Variants in CIDEB observed in about 807,000 individuals in gnomAD.
The protein encoded by CIDEB is lipid transferase CIDEB.
A neutral mutation model predicts 22.4 loss-of-function variants in CIDEB; 27 were observed. The observed-to-expected ratio is 1.21, with a 90% CI of 0.89 to 1.66. The LOEUF (loss-of-function observed/expected upper bound fraction) is 1.66, where lower values mean the gene tolerates loss of function less well. Ranked by LOEUF, CIDEB falls within the 40% of genes most tolerant of loss-of-function variation. The probability of loss-of-function intolerance (pLI) is 0.00; values close to 1 mark genes in which losing one functional copy is unlikely to be tolerated. For synonymous variants in CIDEB, 103 were observed against 109.5 expected (o/e 0.94, Z 0.37); for missense variants, 289 against 268.7 (o/e 1.08, Z -0.53).
At position 24,306,397 on chromosome 14, in the gene CIDEB, C is replaced by G. The variant is rs773821735; in HGVS notation, c.313G>C (p.Gly105Arg). The stretch of plus-strand genomic sequence containing the variant: ...ACCCTTGTAGGGCTCCAGCTCTGAC[C>G]AGACTGCAACACCATCAGGCACGTG... ...DDTCLMVLQS[G>R]QSWSPTRSGV... is the part of the protein sequence containing the mutation. The change falls in exon 3 of 5, where the codon GGT becomes CGT. Residue 105 changes from glycine to arginine, a missense_variant. Coordinates refer to ENST00000554411, the MANE Select transcript of CIDEB (RefSeq NM_001393339.1). 6.2e-7 allele frequency: 1 copy of G among 1,614,222 alleles called. No homozygotes were observed. The highest frequency in any genetic ancestry group is 1.7e-5 in the Admixed American group (1 of 60,030).
upstream of CIDEB, chr14:24,311,006 G>C: frequency 6.3e-7 from 1 of 1,587,034 alleles, no homozygotes; most frequent in Non-Finnish European, 8.5e-7. Context: ...TCACCGGCCT[G>C]CTCAGCCTGC....
At chr14:24,310,584 C>A, upstream of CIDEB, 11 of 1,420,176 alleles carry the variant, frequency 7.7e-6, no homozygotes, top group Non-Finnish European at 1.1e-5. Flanking sequence ...GGCACCTTCT[C>A]ATCGGGCATC....
chr14:24,307,610 G>A, intron 1 of CIDEB, 95 bp from the exon 2 acceptor site: 6 of 1,446,676 alleles, frequency 4.1e-6, no homozygotes, highest in Non-Finnish European at 5.7e-6. Context: ...GGCTAGGGAG[G>A]GAGAGATCTA....
At chr14:24,308,048 G>T, upstream of CIDEB, 1 of 625,346 alleles carries the variant, frequency 1.6e-6, no homozygotes, top group Non-Finnish European at 2.9e-6. Context: ...AGGGATGAGG[G>T]AGGGGCCAGA....
rs758539152 is a variant in CIDEB at position 24,306,439 on chromosome 14, G to C, written c.271C>G (p.Gln91Glu). Reference sequence around the variant, plus strand: ...AGGCACGTGTCATCCTCCAGCAGCTGGAAGAAGTCCTCACTGTCCACTGCA... The same window carrying C: ...AGGCACGTGTCATCCTCCAGCAGCTCGAAGAAGTCCTCACTGTCCACTGCA... Reference protein sequence around the residue: ...GTAVDSEDFFQLLEDDTCLMV... With the variant: ...GTAVDSEDFFELLEDDTCLMV... Residue 91 changes from glutamine to glutamate, a missense_variant, in exon 3 of 5, where the codon CAG becomes GAG. Physicochemically the swap from Gln to Glu is conservative, Grantham distance 29. Transcript: ENST00000554411. The C allele has an allele frequency of 6.2e-7, 1 of 1,614,230 alleles. No individual in the cohort carries two copies. Among genetic ancestry groups the C allele is most frequent in the Non-Finnish European group, 8.5e-7 (1 of 1,180,044 alleles).
Position 24,305,311 on chromosome 14 carries a change from C to G in CIDEB, c.*322G>C. On this transcript the variant is annotated 3_prime_UTR_variant, in exon 5 of 5. Coordinates refer to ENST00000554411, the MANE Select transcript of CIDEB (RefSeq NM_001393339.1). The stretch of plus-strand genomic sequence containing the variant: ...ATCAGTATGCTGGGGAGTTTAGGGA[C>G]AGGAGGCATTGGTAGGGGATTAGAT... The G allele has an allele frequency of 3.5e-6, 2 of 571,822 alleles. No individual in the cohort carries two copies. The highest frequency in any genetic ancestry group is 6.2e-5 in the East Asian group (2 of 32,094). The allele number at this position is 571,822 out of a possible 1,614,324, so 35.4% of individuals were successfully genotyped here.
chr14:24,307,421 T>A lies in CIDEB; in HGVS notation c.136A>T (p.Thr46Ser). The A allele has an allele frequency of 6.2e-7, 1 of 1,614,046 alleles. No individual in the cohort carries two copies. The highest frequency in any genetic ancestry group is 8.5e-7 in the Non-Finnish European group (1 of 1,179,962). The change falls in exon 2 of 5, where the codon ACC becomes TCC. Residue 46 changes from threonine (T) to serine (S), a missense_variant. By Grantham distance (58) the Thr-to-Ser change is moderately conservative. Transcript: ENST00000554411. ...RPFRVCDHKR[T>S]IRKGLTAATR... ...GCAGCTGTCAGGCCTTTCCGGATGG[T>A]CCGCTTGTGATCACAGACACGGAAA... is the stretch of plus-strand genomic sequence containing the variant.
In CIDEB at chr14:24,305,780, C is replaced by A; in HGVS notation, c.528-15G>T. 2 of 1,611,104 alleles carry A rather than the reference C, an allele frequency of 1.2e-6. No homozygotes were observed. The highest frequency in any genetic ancestry group is 1.7e-6 in the Non-Finnish European group (2 of 1,178,760). On this transcript the variant is annotated splice_polypyrimidine_tract_variant and intron_variant, in intron 4 of 4. Transcript: ENST00000554411. Reference sequence around the variant, plus strand: ...GAAGGAGCTCCCTGAATGGCAGAGACAAGAGGAAATCAGATGATTTGGAAA... The same window carrying A: ...GAAGGAGCTCCCTGAATGGCAGAGAAAAGAGGAAATCAGATGATTTGGAAA...
At chr14:24,307,318 T>G in intron 2 of CIDEB, 53 bp downstream of exon 2, 1 of 1,565,324 alleles carries the variant, frequency 6.4e-7, no homozygotes, top group Non-Finnish European at 8.7e-7. Context: ...GCCACTGTTG[T>G]GGAGCCCCTT....
intron 4 of CIDEB, 24 bp from the exon 5 acceptor site, chr14:24,305,789 A>T (rs746422898): frequency 1.8e-5 from 29 of 1,609,044 alleles, no homozygotes; most frequent in Admixed American, 6.8e-5. Flanking sequence ...ACAAGAGGAA[A>T]TCAGATGATT....
upstream of CIDEB, chr14:24,311,372 C>G (rs1433786510): frequency 5.6e-6 from 9 of 1,603,726 alleles, no homozygotes; most frequent in Non-Finnish European, 7.6e-6. Context: ...TCGGCTTGCT[C>G]TGGGCCCCCT....
intron 2 of CIDEB, chr14:24,306,738 A>G: frequency 1.7e-6 from 1 of 580,628 alleles, no homozygotes; most frequent in Admixed American, 3.0e-5. Context: ...TGCTCCTACC[A>G]TGTCATTGGC....
rs776862919 is a variant in CIDEB at position 24,305,721 on chromosome 14, T to C, written c.572A>G (p.His191Arg). 3 of 1,614,078 alleles carry C rather than the reference T, an allele frequency of 1.9e-6. No individual in the cohort carries two copies. The highest frequency in any genetic ancestry group is 2.5e-6 in the Non-Finnish European group (3 of 1,180,046). The change falls in exon 5 of 5, where the codon CAT (histidine) becomes CGT (arginine). Residue 191 changes from histidine (H) to arginine (R), a missense_variant. By Grantham distance (29) the His-to-Arg change is conservative. Coordinates refer to ENST00000554411, the MANE Select transcript of CIDEB (RefSeq NM_001393339.1). ...WTSTLLQGLG[H>R]MLLGISSTLR... ...GGTGGAGGAAATTCCCAGCAACATATGGCCCAGGCCTTGCAGCAGTGTGGA... is the reference window on the plus strand; with the variant it reads ...GGTGGAGGAAATTCCCAGCAACATACGGCCCAGGCCTTGCAGCAGTGTGGA...
chr14:24,305,808 T>G, intron 4 of CIDEB, 43 bp from the exon 5 acceptor site: 1 of 1,605,516 alleles, frequency 6.2e-7, no homozygotes, highest in African/African-American at 1.3e-5. Flanking sequence ...TTTGGAAAAC[T>G]TGGGAGGAAG....
At position 24,305,650 on chromosome 14, in the gene CIDEB, G is replaced by C. The variant is rs371509099; in HGVS notation, c.643C>G (p.Arg215Gly). 62 of 1,613,474 alleles carry C rather than the reference G, an allele frequency of 3.8e-5. No homozygotes were observed. The highest frequency in any genetic ancestry group is 5.2e-5 in the Non-Finnish European group (61 of 1,179,776). ...AGAGCCCCTTAGTAGGAATGGAGGC[G>C]GCCCTTCTGCTGCCACTGCTCAGCC... ...EGAEQWQQKG[R>G]LHSY Residue 215 changes from arginine (R) to glycine (G), a missense_variant, in exon 5 of 5, where the codon CGC becomes GGC. Coordinates refer to ENST00000554411, the MANE Select transcript of CIDEB (RefSeq NM_001393339.1).
At chr14:24,306,851 C>G (rs1237384717) in intron 2 of CIDEB, 1 of 385,894 alleles carries the variant, frequency 2.6e-6, no homozygotes, top group Non-Finnish European at 4.9e-6. Context: ...TGCTGCACCT[C>G]ACTTCCCACA....
At position 24,305,461 on chromosome 14, in the gene CIDEB, TG is replaced by T; in HGVS notation, c.*171del. On this transcript the variant is annotated 3_prime_UTR_variant, in exon 5 of 5. Coordinates refer to ENST00000554411, the MANE Select transcript of CIDEB (RefSeq NM_001393339.1). ...CATTCTTCAGGTAAGGGTATAGACT[TG>T]GGATGTGAGGCGTTATGCTGAAAGG... The T allele has an allele frequency of 2.6e-6, 2 of 759,578 alleles. No homozygotes were observed. Among genetic ancestry groups the T allele is most frequent in the East Asian group, 5.4e-5 (2 of 37,294 alleles). The allele number at this position is 759,578 out of a possible 1,614,324, so 47.1% of individuals were successfully genotyped here.
At chr14:24,310,964 G>C, upstream of CIDEB, 1 of 1,591,748 alleles carries the variant, frequency 6.3e-7, no homozygotes, top group Non-Finnish European at 8.5e-7. Context: ...TGTACTACGT[G>C]TGCGCGCTCA....
At position 24,306,523 on chromosome 14, in the gene CIDEB, C is replaced by T. The variant is rs760223463; in HGVS notation, c.187G>A (p.Ala63Thr). 1 of 1,614,270 alleles carries T rather than the reference C, an allele frequency of 6.2e-7. No individual in the cohort carries two copies. The highest frequency in any genetic ancestry group is 2.2e-5 in the East Asian group (1 of 44,890). ...AATRQELLAKALETLLLNGVL... is the reference protein window; with the variant it reads ...AATRQELLAKTLETLLLNGVL... ...CCATTCAGCAGTAGGGTCTCCAATG[C>T]CTGCCCAATGGCAAGAAGCAAGAAG... Residue 63 changes from alanine (A) to threonine (T), a missense_variant and splice_region_variant, in exon 3 of 5, where the codon GCA (alanine) becomes ACA (threonine). Physicochemically the swap from Ala to Thr is moderately conservative, Grantham distance 58 (BLOSUM62 0). Coordinates refer to ENST00000554411, the MANE Select transcript of CIDEB (RefSeq NM_001393339.1).
Sources: gnomAD v4.1 joint callset for allele counts on GRCh38, gnomAD v4.1.1 for gene constraint, MANE v1.5 for transcripts, NCBI Gene and HGNC (gene_info 2026-07-23, HGNC 2026-07-21) for gene names.